The following THAP4 variants were observed in gnomAD, a reference collection of about 807,000 sequenced individuals.
The protein encoded by THAP4 is THAP domain containing 4, also known as peroxynitrite isomerase THAP4.
THAP4 carries 18 observed loss-of-function variants against 48.1 expected under a neutral mutation model. The ratio of observed to expected loss-of-function variants is 0.37; its 90% CI spans 0.26 to 0.56. The LOEUF (loss-of-function observed/expected upper bound fraction) is 0.56. THAP4 is among the 20% of genes least tolerant of loss of function. The probability of loss-of-function intolerance (pLI) is 0.78; values close to 1 mark genes in which losing one functional copy is unlikely to be tolerated. For synonymous variants in THAP4, 345 were observed against 324.9 expected (o/e 1.06, Z -0.66); for missense variants, 656 against 774.9 (o/e 0.85, Z 1.82).
intron 2 of THAP4, among the ~76,000 whole-genome samples, chr2:241,606,894 C>A (rs34449944): frequency 0.16 from 24,616 of 152,142 alleles, 2,288 homozygotes; most frequent in Middle Eastern, 0.27. Context: ...CAGGGGTCCT[C>A]CATGTCCTAC....
chr2:241,613,832 T>A (rs1397536501), intron 2 of THAP4, among the ~76,000 whole-genome samples: 2 of 151,814 alleles, frequency 1.3e-5, no homozygotes, highest in Non-Finnish European at 2.9e-5. Flanking sequence ...GAACCAAGAC[T>A]AAAAATGCTT....
chr2:241,596,130 G>T lies in THAP4; in HGVS notation c.1614+5766C>A, dbSNP rs1334186486. Among the ~76,000 whole-genome samples the T allele has an allele frequency of 3.9e-5, 6 of 152,082 alleles. No homozygotes were observed. In the East Asian group the frequency reaches 1.2e-3, roughly 30 times the overall value. On this transcript the variant is annotated intron_variant, in intron 5 of 5. Coordinates refer to ENST00000407315, the MANE Select transcript of THAP4 (RefSeq NM_015963.6). ...CTCCCAGTGAACCTGGCTGGGGGTG[G>T]TCCAAGGGACCCCAGACATCTAAAG...
At position 241,603,380 on chromosome 2, in the gene THAP4, T is replaced by C. The variant is rs545777187; in HGVS notation, c.1401-301A>G. ...ACCCTCAGCTCCTGAAGACGGGCTGTTCCAGCCACACCCGCACACCTGCCC... is the reference window on the plus strand; with the variant it reads ...ACCCTCAGCTCCTGAAGACGGGCTGCTCCAGCCACACCCGCACACCTGCCC... On this transcript the variant is annotated intron_variant, in intron 3 of 5. Transcript: ENST00000407315. Among the ~76,000 whole-genome samples the C allele has an allele frequency of 5.0e-3, 519 of 104,462 alleles. 13 individuals are homozygous for C. The highest frequency in any genetic ancestry group is 0.015 in the African/African-American group (488 of 31,624). 68.5% of individuals were successfully genotyped at this position (104,462 alleles called of 152,430 possible). A position where few individuals can be genotyped will look rare whatever the true frequency, so the allele number is the denominator to read the frequency against.
At chr2:241,637,207 C>T (rs1391047332), upstream of THAP4, 17 of 989,840 alleles carry the variant, frequency 1.7e-5, no homozygotes, top group Non-Finnish European at 2.0e-5. Flanking sequence ...AGCCCCCGCC[C>T]GCGTCCTCGC....
chr2:241,598,150 C>T (rs1464922464), intron 5 of THAP4, among the ~76,000 whole-genome samples: 2 of 152,080 alleles, frequency 1.3e-5, no homozygotes, highest in Admixed American at 6.6e-5. Flanking sequence ...TCTCATGAAA[C>T]GGACACTTTT....
Position 241,616,590 on chromosome 2 carries a change from C to T in THAP4, c.1241-10117G>A, listed in dbSNP as rs2067351242. ...CTGCAGGCGGCTGCTGCTTCAGGGG[C>T]ACAGGGCCCACACCACACTTGGGGA... is the stretch of plus-strand genomic sequence containing the variant. On this transcript the variant is annotated intron_variant, in intron 2 of 5. Transcript: ENST00000407315. This position sits in a 1 kb window ranked among gnomAD's most constrained non-coding sequence, Gnocchi z 4.6. Among the ~76,000 whole-genome samples, 1 of 152,148 alleles carries T rather than the reference C, an allele frequency of 6.6e-6. No individual in the cohort carries two copies. The highest frequency in any genetic ancestry group is 6.5e-5 in the Admixed American group (1 of 15,268).
intron 5 of THAP4, among the ~76,000 whole-genome samples, chr2:241,595,674 T>C (rs2067038561): frequency 6.6e-6 from 1 of 150,680 alleles, no homozygotes; most frequent in Non-Finnish European, 1.5e-5. Context: ...TGAGACATGC[T>C]GAGTGACAGG....
intron 5 of THAP4, among the ~76,000 whole-genome samples, chr2:241,587,214 G>A (rs2066905158): frequency 1.3e-5 from 2 of 152,214 alleles, no homozygotes; most frequent in African/African-American, 4.8e-5. Context: ...CTCCATGAGG[G>A]TGGGCACCAT....
intron 3 of THAP4, among the ~76,000 whole-genome samples, chr2:241,604,336 C>T (rs1054724078): frequency 5.9e-5 from 9 of 152,032 alleles, no homozygotes; most frequent in East Asian, 1.9e-4. Flanking sequence ...CTGCAACCTC[C>T]GCCTCCTGAG....
intron 2 of THAP4, among the ~76,000 whole-genome samples, chr2:241,614,039 C>T (rs1340659996): frequency 2.0e-5 from 3 of 151,716 alleles, no homozygotes; most frequent in Non-Finnish European, 4.4e-5. Flanking sequence ...CTGTAGCCCC[C>T]GCTACTTGGG....
Position 241,633,650 on chromosome 2 carries a change from T to G in THAP4, c.507A>C (p.Gln169His), listed in dbSNP as rs763282526. 3 of 1,612,476 alleles carry G rather than the reference T, an allele frequency of 1.9e-6. No homozygotes were observed. In the African/African-American group the frequency reaches 4.0e-5, roughly 22 times the overall value. Residue 169 changes from glutamine to histidine, a missense_variant, in exon 2 of 6, where the codon CAA becomes CAC. Gln to His is a conservative substitution (Grantham distance 24). Around this residue, in one of 4 missense-constraint regions of THAP4, gnomAD observed 391 missense variants for 412.4 expected, o/e 0.95. Coordinates refer to ENST00000407315, the MANE Select transcript of THAP4 (RefSeq NM_015963.6). This position sits in a 1 kb window ranked among gnomAD's most constrained non-coding sequence, Gnocchi z 7.5. ...CATCTCCTGGAGTCCGTTCCAGAGC[T>G]TGCTGGGCCTGCTCCTGGCTGGCGG... ...QEAASQEQAQ[Q>H]ALERTPGDGL... is the part of the protein sequence containing the mutation.
chr2:241,601,416 T>C lies in THAP4; in HGVS notation c.1614+480A>G, dbSNP rs181356294. ...GATTCAAAACATGAGTGAGATTTCA[T>C]CTTTTATTTCTCAGATTTGAAAGGA... On this transcript the variant is annotated intron_variant, in intron 5 of 5. Coordinates refer to ENST00000407315, the MANE Select transcript of THAP4 (RefSeq NM_015963.6). The surrounding 1 kb of genome is among the most constrained non-coding windows in gnomAD (Gnocchi z 4.0). Among the ~76,000 whole-genome samples, 1 of 152,332 alleles carries C rather than the reference T, an allele frequency of 6.6e-6. No homozygotes were observed. The highest frequency in any genetic ancestry group is 6.5e-5 in the Admixed American group (1 of 15,296).
At chr2:241,635,669 C>T (rs749468251) in intron 1 of THAP4, among the ~76,000 whole-genome samples, 1 of 151,912 alleles carries the variant, frequency 6.6e-6, no homozygotes, top group Non-Finnish European at 1.5e-5. Flanking sequence ...ACTTGGGAGG[C>T]TGAAGCAGGA....
rs778218102 is a variant in THAP4, at chr2:241,633,114, T to C, written c.1043A>G (p.Tyr348Cys). The change falls in exon 2 of 6, where the codon TAC becomes TGC. Residue 348 changes from tyrosine to cysteine, a missense_variant. By Grantham distance (194) the Tyr-to-Cys change is radical. Around this residue, in one of 4 missense-constraint regions of THAP4, gnomAD observed 391 missense variants for 412.4 expected, o/e 0.95. Transcript: ENST00000407315. This position sits in a 1 kb window ranked among gnomAD's most constrained non-coding sequence, Gnocchi z 7.5. ...CTTGTTCTGCCGGGAGGAGAAGCAG[T>C]AGGAGTGCAGTGAGTCGATGAGCTT... is the stretch of plus-strand genomic sequence containing the variant. ...ACKLIDSLHS[Y>C]CFSSRQNKSQ... 1 of 1,613,584 alleles carries C rather than the reference T, an allele frequency of 6.2e-7. No individual in the cohort carries two copies. Among genetic ancestry groups the C allele is most frequent in the South Asian group, 1.1e-5 (1 of 91,002 alleles).
chr2:241,615,544 C>T (rs2067329302), intron 2 of THAP4, among the ~76,000 whole-genome samples: 1 of 152,202 alleles, frequency 6.6e-6, no homozygotes, highest in Non-Finnish European at 1.5e-5. Context: ...GGTCTGCTGC[C>T]ATCCAAGCTG....
chr2:241,619,102 C>G (rs949856309), intron 2 of THAP4, among the ~76,000 whole-genome samples: 27 of 152,226 alleles, frequency 1.8e-4, no homozygotes, highest in Non-Finnish European at 5.9e-5. Context: ...AGGCTGGAGC[C>G]TGCTTCCCCT....
At chr2:241,609,901 G>C (rs1436304185) in intron 2 of THAP4, among the ~76,000 whole-genome samples, 4 of 152,248 alleles carry the variant, frequency 2.6e-5, no homozygotes, top group African/African-American at 9.6e-5. Flanking sequence ...CCTGGGACCG[G>C]GTGGACCCAC....
rs1360128626 is a variant in THAP4, at chr2:241,601,442, C to T, written c.1614+454G>A. 1.3e-5 allele frequency among the ~76,000 whole-genome samples: 2 copies of T among 152,138 alleles called. No homozygotes were observed. The highest frequency in any genetic ancestry group is 4.8e-5 in the African/African-American group (2 of 41,430). ...CTTTTATTTCTCAGATTTGAAAGGA[C>T]CGAAATTCTGAAAATACACCATGTT... On this transcript the variant is annotated intron_variant, in intron 5 of 5. Coordinates refer to ENST00000407315, the MANE Select transcript of THAP4 (RefSeq NM_015963.6). The surrounding 1 kb of genome is among the most constrained non-coding windows in gnomAD (Gnocchi z 4.0).
rs763872211 is a variant in THAP4 at position 241,633,563 on chromosome 2, G to A, written c.594C>T (p.Gly198=). Residue 198 remains glycine, a synonymous_variant, in exon 2 of 6, where the codon GGC becomes GGT. Coordinates refer to ENST00000407315, the MANE Select transcript of THAP4 (RefSeq NM_015963.6). The surrounding 1 kb of genome is among the most constrained non-coding windows in gnomAD (Gnocchi z 7.5). ...CGATGGAGGAAGTGGCGCTCTCATC[G>A]CCAGCATCTGTGGCAGACGCTTCTG... ...GKAEASATDA[G]DESATSSIEG... 103 of 1,613,722 alleles carry A rather than the reference G, an allele frequency of 6.4e-5. No homozygotes were observed. Among genetic ancestry groups the A allele is most frequent in the Non-Finnish European group, 8.1e-5 (95 of 1,179,876 alleles).
Sources: allele counts gnomAD v4.1 joint callset (sites outside exome capture counted in the v4.1 genomes callset), GRCh38; gene constraint gnomAD v4.1.1; regional missense constraint gnomAD v4.1.1; non-coding constraint Gnocchi (gnomAD v3.1); transcripts MANE v1.5; gene names NCBI Gene and HGNC (gene_info 2026-07-23, HGNC 2026-07-21).